The following MPEG1 variants were observed in gnomAD, a reference collection of about 807,000 sequenced individuals.
The protein encoded by MPEG1 is macrophage-expressed gene 1 protein.
For synonymous variants in MPEG1, 365 were observed against 351.9 expected (o/e 1.04, Z -0.42); for missense variants, 876 against 880.3 (o/e 1.00, Z 0.06).
In MPEG1 at chr11:59,211,300, G is replaced by A. The variant is rs1433683169; in HGVS notation, c.1566C>T (p.Ser522=). The A allele has an allele frequency of 6.2e-7, 1 of 1,614,162 alleles. No homozygotes were observed. Among genetic ancestry groups the A allele is most frequent in the African/African-American group, 1.3e-5 (1 of 75,014 alleles). ...ACCCGCCAAAGGGGACCGCAAACCT[G>A]CTTCCCAACTCATAGTCCTGAGAAA... ...VCVSQDYELG[S]RFAVPFGGFF... is the part of the protein sequence containing the mutation. Residue 522 remains serine, a synonymous_variant, in exon 1 of 1, where the codon AGC becomes AGT. Coordinates refer to ENST00000361050, the MANE Select transcript of MPEG1 (RefSeq NM_001039396.2).
Position 59,210,963 on chromosome 11 carries a change from G to C in MPEG1, c.1903C>G (p.Pro635Ala). Residue 635 changes from proline (P) to alanine (A), a missense_variant, in exon 1 of 1, where the codon CCG becomes GCG. Coordinates refer to ENST00000361050, the MANE Select transcript of MPEG1 (RefSeq NM_001039396.2). ...TTCATGGCCCTCCGCAGCTCTATCG[G>C]TTCTCCCAGCCTCCACTGGTGGGTC... ...SQTHQWRLGE[P>A]IELRRAMNVI... is the part of the protein sequence containing the mutation. 1 of 1,614,140 alleles carries C rather than the reference G, an allele frequency of 6.2e-7. No homozygotes were observed. The highest frequency in any genetic ancestry group is 8.5e-7 in the Non-Finnish European group (1 of 1,180,020).
chr11:59,210,921 C>T lies in MPEG1; in HGVS notation c.1945G>A (p.Gly649Ser), dbSNP rs1862879720. Reference sequence around the variant, plus strand: ...GCAGCCCCTCCTGACAGACCACCACCATCCCCATGGATGACATTCATGGCC... The same window carrying T: ...GCAGCCCCTCCTGACAGACCACCACTATCCCCATGGATGACATTCATGGCC... ...RRAMNVIHGDGGGLSGGAAAG... is the reference protein window; with the variant it reads ...RRAMNVIHGDSGGLSGGAAAG... Residue 649 changes from glycine (G) to serine (S), a missense_variant, in exon 1 of 1, where the codon GGT becomes AGT. Transcript: ENST00000361050. 3 of 1,614,094 alleles carry T rather than the reference C, an allele frequency of 1.9e-6. No individual in the cohort carries two copies. Among genetic ancestry groups the T allele is most frequent in the African/African-American group, 1.3e-5 (1 of 74,930 alleles).
In MPEG1 at chr11:59,211,073, C is replaced by T. The variant is rs368264173; in HGVS notation, c.1793G>A (p.Arg598Gln). ...GGCAGCCTGACTCATGAGGGGTGGC[C>T]GGGTGAAAGGTGGGAGCCTGGCAGG... The part of the protein sequence containing the change: ...LPPARLPPFT[R>Q]PPLMSQAATN... The change falls in exon 1 of 1, where the codon CGG becomes CAG. Residue 598 changes from arginine (R) to glutamine (Q), a missense_variant. Physicochemically the swap from Arg to Gln is conservative, Grantham distance 43 (BLOSUM62 1). Transcript: ENST00000361050. 1.9e-5 allele frequency: 31 copies of T among 1,613,990 alleles called. No individual in the cohort carries two copies. The highest frequency in any genetic ancestry group is 1.3e-4 in the African/African-American group (10 of 74,896).
In MPEG1 at chr11:59,211,944, G is replaced by C. The variant is rs1276365366; in HGVS notation, c.922C>G (p.Leu308Val). 6.2e-7 allele frequency: 1 copy of C among 1,612,572 alleles called. No homozygotes were observed. Among genetic ancestry groups the C allele is most frequent in the Non-Finnish European group, 8.5e-7 (1 of 1,179,028 alleles). ...GGGTTGATGAAGAAATGCAGCGGCA[G>C]GCCAGAGCGGTCGATGGCCACCAGG... is the stretch of plus-strand genomic sequence containing the variant. Reference protein sequence around the residue: ...NHLVAIDRSGLPLHFFINPNM... With the variant: ...NHLVAIDRSGVPLHFFINPNM... Residue 308 changes from leucine to valine, a missense_variant, in exon 1 of 1, where the codon CTG becomes GTG. Physicochemically the swap from Leu to Val is conservative, Grantham distance 32 (BLOSUM62 1). Transcript: ENST00000361050.
chr11:59,212,496 T>C lies in MPEG1; in HGVS notation c.370A>G (p.Lys124Glu). ...TCAGTGGAAAACTTGCCATTGACTT[T>C]GGAAAAAAGAGAGAGTTCTGTGTTG... ...SINTELSLFS[K>E]VNGKFSTEFQ... The change falls in exon 1 of 1, where the codon AAA becomes GAA. Residue 124 changes from lysine (K) to glutamate (E), a missense_variant. Physicochemically the swap from Lys to Glu is moderately conservative, Grantham distance 56. Transcript: ENST00000361050. The C allele has an allele frequency of 6.2e-7, 1 of 1,614,140 alleles. No individual in the cohort carries two copies. The highest frequency in any genetic ancestry group is 8.5e-7 in the Non-Finnish European group (1 of 1,180,006).
chr11:59,210,708 G>A lies in MPEG1; in HGVS notation c.*7C>T, dbSNP rs1278378779. The A allele has an allele frequency of 1.9e-6, 3 of 1,609,300 alleles. No individual in the cohort carries two copies. The highest frequency in any genetic ancestry group is 2.2e-5 in the South Asian group (2 of 90,638). On this transcript the variant is annotated 3_prime_UTR_variant, in exon 1 of 1. Transcript: ENST00000361050. ...GGAGATGAGAGAAACCATTTTCGGG[G>A]AGAGATTTAAGCTGGACTCTGCCCC...
chr11:59,211,190 C>T lies in MPEG1; in HGVS notation c.1676G>A (p.Gly559Glu), dbSNP rs1287572985. ...LGAPSLKKCP[G>E]GFSQHPALIS... ...GAGGGCTGGGTGCTGGCTGAAGCCC[C>T]CGGGGCACTTTTTCAGAGACGGTGC... The change falls in exon 1 of 1, where the codon GGG becomes GAG. Residue 559 changes from glycine to glutamate, a missense_variant. Gly to Glu is a moderately conservative substitution (Grantham distance 98, BLOSUM62 -2). Transcript: ENST00000361050. The T allele has an allele frequency of 1.2e-6, 2 of 1,614,174 alleles. No individual in the cohort carries two copies. The highest frequency in any genetic ancestry group is 2.2e-5 in the South Asian group (2 of 91,090).
rs553139125 is a variant in MPEG1 at position 59,212,789 on chromosome 11, A to G, written c.77T>C (p.Met26Thr). The change falls in exon 1 of 1, where the codon ATG (methionine) becomes ACG (threonine). Residue 26 changes from methionine to threonine, a missense_variant. Met to Thr is a moderately conservative substitution (Grantham distance 81, BLOSUM62 -1). Coordinates refer to ENST00000361050, the MANE Select transcript of MPEG1 (RefSeq NM_001039396.2). ...WAKSGKPSGE[M>T]DEVGVQKCKN... Reference sequence around the variant, plus strand: ...GCATTTTTGAACTCCAACTTCGTCCATCTCTCCCGAAGGCTTGCCTGATTT... The same window carrying G: ...GCATTTTTGAACTCCAACTTCGTCCGTCTCTCCCGAAGGCTTGCCTGATTT... 16 of 1,614,200 alleles carry G rather than the reference A, an allele frequency of 9.9e-6. No homozygotes were observed. The East Asian group carries it at 2.5e-4, about 25-fold the overall frequency.
In MPEG1 at chr11:59,211,033, T is replaced by G; in HGVS notation, c.1833A>C (p.Ile611=). The change falls in exon 1 of 1, where the codon ATA becomes ATC. Residue 611 remains isoleucine, a synonymous_variant. Coordinates refer to ENST00000361050, the MANE Select transcript of MPEG1 (RefSeq NM_001039396.2). ...ATCTCGCATTCTCAGAATTGGTCAC[T>G]ATGACAGTATTGGTGGCAGCCTGAC... The part of the protein sequence containing the change: ...LMSQAATNTV[I]VTNSENARSW... 1 of 1,614,124 alleles carries G rather than the reference T, an allele frequency of 6.2e-7. No individual in the cohort carries two copies. Among genetic ancestry groups the G allele is most frequent in the Non-Finnish European group, 8.5e-7 (1 of 1,180,026 alleles).
At position 59,210,392 on chromosome 11, in the gene MPEG1, T is replaced by A. The variant is rs1165732881; in HGVS notation, c.*323A>T. 1.1e-5 allele frequency: 3 copies of A among 279,234 alleles called. No homozygotes were observed. The highest frequency in any genetic ancestry group is 2.0e-5 in the Non-Finnish European group (3 of 148,466). 17.3% of individuals were successfully genotyped at this position (279,234 alleles called of 1,614,324 possible). On this transcript the variant is annotated 3_prime_UTR_variant, in exon 1 of 1. Transcript: ENST00000361050. Reference sequence around the variant, plus strand: ...AACTGCAAACTTCAGAGTAAATTCATAGCTTCCAAATACAAATGTTCACAT... The same window carrying A: ...AACTGCAAACTTCAGAGTAAATTCAAAGCTTCCAAATACAAATGTTCACAT...
Position 59,212,566 on chromosome 11 carries a change from G to A in MPEG1, c.300C>T (p.Ile100=), listed in dbSNP as rs368919832. 17 of 1,614,080 alleles carry A rather than the reference G, an allele frequency of 1.1e-5. No homozygotes were observed. Among genetic ancestry groups the A allele is most frequent in the Non-Finnish European group, 1.3e-5 (15 of 1,180,036 alleles). Residue 100 remains isoleucine (I), a synonymous_variant, in exon 1 of 1, where the codon ATC becomes ATT. Transcript: ENST00000361050. ...KQSNLEMNSE[I]LESWANYQSS... is the part of the protein sequence containing the mutation. ...TCTGGTAATTTGCCCAGGATTCCAG[G>A]ATTTCTGAGTTCATCTCCAGGTTGC...
In MPEG1 at chr11:59,210,915, C is replaced by G. The variant is rs969201516; in HGVS notation, c.1951G>C (p.Gly651Arg). The change falls in exon 1 of 1, where the codon GGT becomes CGT. Residue 651 changes from glycine (G) to arginine (R), a missense_variant. By Grantham distance (125) the Gly-to-Arg change is moderately radical. Transcript: ENST00000361050. ...AMNVIHGDGG[G>R]LSGGAAAGVT... is the part of the protein sequence containing the mutation. The stretch of plus-strand genomic sequence containing the variant: ...CCAGCTGCAGCCCCTCCTGACAGAC[C>G]ACCACCATCCCCATGGATGACATTC... The G allele has an allele frequency of 1.2e-6, 2 of 1,614,138 alleles. No individual in the cohort carries two copies. The highest frequency in any genetic ancestry group is 1.7e-6 in the Non-Finnish European group (2 of 1,180,024).
In MPEG1 at chr11:59,212,331, A is replaced by T. The variant is rs771285696; in HGVS notation, c.535T>A (p.Ser179Thr). The T allele has an allele frequency of 6.2e-7, 1 of 1,614,040 alleles. No individual in the cohort carries two copies. The highest frequency in any genetic ancestry group is 1.7e-5 in the Admixed American group (1 of 60,018). ...SGFRKELLDI[S>T]DRLENNQTRM... The stretch of plus-strand genomic sequence containing the variant: ...GTCTGGTTGTTCTCTAGACGGTCAG[A>T]GATGTCAAGGAGTTCCTTCCTAAAA... Residue 179 changes from serine to threonine, a missense_variant, in exon 1 of 1, where the codon TCT (serine) becomes ACT (threonine). By Grantham distance (58) the Ser-to-Thr change is moderately conservative. Transcript: ENST00000361050.
Position 59,212,241 on chromosome 11 carries a change from C to T in MPEG1, c.625G>A (p.Val209Ile), listed in dbSNP as rs1862905049. The change falls in exon 1 of 1, where the codon GTC (valine) becomes ATC (isoleucine). Residue 209 changes from valine to isoleucine, a missense_variant. By Grantham distance (29) the Val-to-Ile change is conservative (BLOSUM62 3). Transcript: ENST00000361050. ...TGAATAAGAGCAGCCCCAGCGTCGA[C>T]ACTGGTGGTGACGTGGGTGCCATAG... is the stretch of plus-strand genomic sequence containing the variant. ...LNYGTHVTTS[V>I]DAGAALIQED... The T allele has an allele frequency of 1.2e-6, 2 of 1,613,872 alleles. No homozygotes were observed. The highest frequency in any genetic ancestry group is 4.5e-5 in the East Asian group (2 of 44,874).
At position 59,212,260 on chromosome 11, in the gene MPEG1, G is replaced by A. The variant is rs1200408636; in HGVS notation, c.606C>T (p.Gly202=). 1 of 1,613,826 alleles carries A rather than the reference G, an allele frequency of 6.2e-7. No individual in the cohort carries two copies. The highest frequency in any genetic ancestry group is 2.2e-5 in the East Asian group (1 of 44,876). Residue 202 remains glycine, a synonymous_variant, in exon 1 of 1, where the codon GGC becomes GGT. Coordinates refer to ENST00000361050, the MANE Select transcript of MPEG1 (RefSeq NM_001039396.2). Reference sequence around the variant, plus strand: ...CGTCGACACTGGTGGTGACGTGGGTGCCATAGTTGAGCACCAGGAGTTCTG... The same window carrying A: ...CGTCGACACTGGTGGTGACGTGGGTACCATAGTTGAGCACCAGGAGTTCTG... The part of the protein sequence containing the change: ...YLAELLVLNY[G]THVTTSVDAG...
At position 59,210,404 on chromosome 11, in the gene MPEG1, A is replaced by G. The variant is rs948087132; in HGVS notation, c.*311T>C. The stretch of plus-strand genomic sequence containing the variant: ...CAGAGTAAATTCATAGCTTCCAAAT[A>G]CAAATGTTCACATTGTCCCTCCGCT... On this transcript the variant is annotated 3_prime_UTR_variant, in exon 1 of 1. Coordinates refer to ENST00000361050, the MANE Select transcript of MPEG1 (RefSeq NM_001039396.2). 2.9e-5 allele frequency: 9 copies of G among 312,130 alleles called. No individual in the cohort carries two copies. Among genetic ancestry groups the G allele is most frequent in the African/African-American group, 1.7e-4 (8 of 46,668 alleles). The allele number at this position is 312,130 out of a possible 1,614,324, so 19.3% of individuals were successfully genotyped here. A position where few individuals can be genotyped will look rare whatever the true frequency, so the allele number is the denominator to read the frequency against.
rs747294423 is a variant in MPEG1, at chr11:59,212,555, C to T, written c.311G>A (p.Trp104Ter). The stretch of plus-strand genomic sequence containing the variant: ...GGAGGTGCTACTCTGGTAATTTGCC[C>T]AGGATTCCAGGATTTCTGAGTTCAT... Reference protein sequence around the residue: ...LEMNSEILESWANYQSSTSYS... With the variant: ...LEMNSEILES Residue 104 changes from tryptophan (W) to a stop codon, truncating the protein, a stop_gained, in exon 1 of 1, where the codon TGG becomes TAG. Transcript: ENST00000361050. LOFTEE classifies it low-confidence loss of function (END_TRUNC). 2 of 1,614,158 alleles carry T rather than the reference C, an allele frequency of 1.2e-6. No homozygotes were observed. Among genetic ancestry groups the T allele is most frequent in the Admixed American group, 3.3e-5 (2 of 60,022 alleles).
rs769939285 is a variant in MPEG1 at position 59,211,766 on chromosome 11, C to A, written c.1100G>T (p.Gly367Val). 13 of 1,614,064 alleles carry A rather than the reference C, an allele frequency of 8.1e-6. No individual in the cohort carries two copies. The highest frequency in any genetic ancestry group is 1.3e-5 in the African/African-American group (1 of 74,922). Residue 367 changes from glycine to valine, a missense_variant, in exon 1 of 1, where the codon GGC (glycine) becomes GTC (valine). Physicochemically the swap from Gly to Val is moderately radical, Grantham distance 109. Coordinates refer to ENST00000361050, the MANE Select transcript of MPEG1 (RefSeq NM_001039396.2). ...NFNFQANTDD[G>V]SCEGKMTNFS... ...GTTGGTCATTTTCCCCTCGCAGGAG[C>A]CATCATCCGTGTTGGCCTGAAAATT...
rs373577741 is a variant in MPEG1 at position 59,212,220 on chromosome 11, T to G, written c.646A>C (p.Ile216Leu). ...TTSVDAGAAL[I>L]QEDHLRASFL... The stretch of plus-strand genomic sequence containing the variant: ...GAGGCCCTGAGGTGGTCCTCCTGAA[T>G]AAGAGCAGCCCCAGCGTCGACACTG... Residue 216 changes from isoleucine to leucine, a missense_variant, in exon 1 of 1, where the codon ATT becomes CTT. Ile to Leu is a conservative substitution (Grantham distance 5). Coordinates refer to ENST00000361050, the MANE Select transcript of MPEG1 (RefSeq NM_001039396.2). 170 of 1,613,800 alleles carry G rather than the reference T, an allele frequency of 1.1e-4. No homozygotes were observed. Among genetic ancestry groups the G allele is most frequent in the Non-Finnish European group, 1.4e-4 (161 of 1,180,036 alleles).
Sources: gnomAD v4.1 joint callset for allele counts on GRCh38, gnomAD v4.1.1 for gene constraint, MANE v1.5 for transcripts, NCBI Gene and HGNC (gene_info 2026-07-23, HGNC 2026-07-21) for gene names.